Variants in SNX29 observed in about 807,000 individuals in gnomAD.
SNX29 encodes sorting nexin-29.
In SNX29, 78 loss-of-function variants were observed where a neutral mutation model predicts 102.1. The ratio of observed to expected loss-of-function variants is 0.76; its 90% CI spans 0.64 to 0.92. The LOEUF is 0.92. Ranked by LOEUF, SNX29 falls within the 40% of genes least tolerant of loss-of-function variation. SNX29 has a pLI of 0.00. For synonymous variants in SNX29, 580 were observed against 414.5 expected, an observed-to-expected ratio of 1.40 and a Z score of -4.85; for missense variants, 1,280 against 1,061.7, an observed-to-expected ratio of 1.21 and a Z score of -2.86.
rs186453192 is a variant in SNX29, at chr16:12,572,463, C to T, written c.*3834C>T. ...CTTGGTTCTGCATGGTACATTTTGCCAACCCTGAGGACCAGTTCTTGGGGT... is the reference window on the plus strand; with the variant it reads ...CTTGGTTCTGCATGGTACATTTTGCTAACCCTGAGGACCAGTTCTTGGGGT... On this transcript the variant is annotated 3_prime_UTR_variant, in exon 21 of 21. Coordinates refer to ENST00000566228, the MANE Select transcript of SNX29 (RefSeq NM_032167.5). 143 of 1,063,662 alleles carry T rather than the reference C, an allele frequency of 1.3e-4. 1 individual carries two copies. In the African/African-American group the frequency reaches 2.1e-3, roughly 16 times the overall value. 65.9% of individuals were successfully genotyped at this position (1,063,662 alleles called of 1,614,324 possible). A position where few individuals can be genotyped will look rare whatever the true frequency, so the allele number is the denominator to read the frequency against.
At chr16:12,547,045 G>A (rs1290746722) in intron 20 of SNX29, among the ~76,000 whole-genome samples, 1 of 152,198 alleles carries the variant, frequency 6.6e-6, no homozygotes, top group Non-Finnish European at 1.5e-5. Context: ...TGTTTTCATG[G>A]GGGACACAGA....
At chr16:12,013,541 A>ATATATATATC (rs1325376334) in intron 3 of SNX29, among the ~76,000 whole-genome samples, 2 of 119,238 alleles carry the variant, frequency 1.7e-5, no homozygotes, top group African/African-American at 3.1e-5. Flanking sequence ...ATATATATAT[A>ATATATATATC]TCGAGAGAGG....
intron 20 of SNX29, chr16:12,546,293 A>C (rs941471124): frequency 7.9e-5 from 12 of 152,250 alleles, no homozygotes; most frequent in African/African-American, 2.9e-4. Flanking sequence ...AGTGCTGATA[A>C]AGACATACCT....
At chr16:12,106,137 C>G (rs1567210926) in intron 11 of SNX29, among the ~76,000 whole-genome samples, 1 of 152,206 alleles carries the variant, frequency 6.6e-6, no homozygotes, top group African/African-American at 2.4e-5. Flanking sequence ...ACTCTAGAAA[C>G]TTGGCTTCTG....
chr16:12,387,631 C>T (rs1472555222), intron 16 of SNX29, among the ~76,000 whole-genome samples: 1 of 152,144 alleles, frequency 6.6e-6, no homozygotes. Flanking sequence ...TCGCAGGCGT[C>T]GTGGTGGGTG....
chr16:12,072,828 T>G (rs1463304785), intron 10 of SNX29, among the ~76,000 whole-genome samples: 2 of 152,170 alleles, frequency 1.3e-5, no homozygotes, highest in African/African-American at 4.8e-5. Context: ...AGCTATTGAT[T>G]ATTGCCACAA....
At chr16:12,348,257 G>A (rs961620521) in intron 15 of SNX29, among the ~76,000 whole-genome samples, 1 of 152,170 alleles carries the variant, frequency 6.6e-6, no homozygotes, top group Non-Finnish European at 1.5e-5. Flanking sequence ...TTCATGCTGG[G>A]ATTTTCGTTT....
intron 1 of SNX29, among the ~76,000 whole-genome samples, chr16:11,977,269 T>G (rs377216643): frequency 1.6e-4 from 24 of 152,196 alleles, no homozygotes; most frequent in African/African-American, 5.8e-4. Context: ...GCATAGTCTT[T>G]CTGGACAGTT....
At chr16:12,536,653 T>G (rs933313320) in intron 20 of SNX29, among the ~76,000 whole-genome samples, 3 of 152,156 alleles carry the variant, frequency 2.0e-5, no homozygotes, top group African/African-American at 4.8e-5. Context: ...ATTTCTGGGT[T>G]CCTTAGATCC....
intron 13 of SNX29, among the ~76,000 whole-genome samples, chr16:12,190,455 G>C (rs372174772): frequency 2.4e-4 from 36 of 152,312 alleles, no homozygotes; most frequent in African/African-American, 7.9e-4. Flanking sequence ...AATACGCTGG[G>C]GGCAGAGGAG....
At chr16:12,547,810 C>G (rs571585916) in intron 20 of SNX29, among the ~76,000 whole-genome samples, 1 of 152,204 alleles carries the variant, frequency 6.6e-6, no homozygotes, top group African/African-American at 2.4e-5. Flanking sequence ...CAAGAATGCT[C>G]TGCAGGGACA....
At chr16:12,385,967 G>C (rs1238360626) in intron 16 of SNX29, among the ~76,000 whole-genome samples, 2 of 152,226 alleles carry the variant, frequency 1.3e-5, no homozygotes, top group African/African-American at 4.8e-5. Context: ...CCTGGGAGCA[G>C]AAGACGATGT....
chr16:12,572,343 GGTT>G lies in SNX29; in HGVS notation c.*3716_*3718del. The G allele has an allele frequency of 9.4e-7, 1 of 1,063,426 alleles. No homozygotes were observed. Among genetic ancestry groups the G allele is most frequent in the Non-Finnish European group, 1.1e-6 (1 of 878,072 alleles). The allele number at this position is 1,063,426 out of a possible 1,614,324, so 65.9% of individuals were successfully genotyped here. Reference sequence around the variant, plus strand: ...AGGAGTGAAGCCCACCAGCCTGCCTGGTTGATGGACAGCAGGCTCTGCCTTCTG... The same window carrying G: ...AGGAGTGAAGCCCACCAGCCTGCCTGGATGGACAGCAGGCTCTGCCTTCTG... On this transcript the variant is annotated 3_prime_UTR_variant, in exon 21 of 21. Transcript: ENST00000566228.
chr16:12,251,902 G>A (rs1180218029), intron 14 of SNX29, among the ~76,000 whole-genome samples: 1 of 152,020 alleles, frequency 6.6e-6, no homozygotes, highest in East Asian at 1.9e-4. Flanking sequence ...TAGAACTATA[G>A]GTGTGTGCCA....
At chr16:12,174,746 T>C (rs966291011) in intron 13 of SNX29, among the ~76,000 whole-genome samples, 6 of 152,190 alleles carry the variant, frequency 3.9e-5, no homozygotes, top group African/African-American at 1.2e-4. Context: ...ATAAAAAGAT[T>C]AGGAGGTTAT....
chr16:12,360,082 C>A (rs1385175588), intron 16 of SNX29, among the ~76,000 whole-genome samples: 3 of 152,222 alleles, frequency 2.0e-5, no homozygotes, highest in Non-Finnish European at 4.4e-5. Flanking sequence ...CCTCGGCCTC[C>A]CAGAGTGCTG....
At chr16:12,328,570 T>C (rs770750070) in intron 15 of SNX29, among the ~76,000 whole-genome samples, 1 of 152,016 alleles carries the variant, frequency 6.6e-6, no homozygotes, top group Non-Finnish European at 1.5e-5. Context: ...CCCAGATTCC[T>C]CGTTCTCTGT....
At chr16:12,026,539 C>A (rs976278806) in intron 3 of SNX29, among the ~76,000 whole-genome samples, 10 of 152,198 alleles carry the variant, frequency 6.6e-5, no homozygotes, top group African/African-American at 2.4e-4. Flanking sequence ...GAGAAGATTG[C>A]TAAGATCAAG....
chr16:12,188,084 G>A (rs1319900932), intron 13 of SNX29, among the ~76,000 whole-genome samples: 1 of 152,182 alleles, frequency 6.6e-6, no homozygotes, highest in Non-Finnish European at 1.5e-5. Context: ...CTCCCTAGGA[G>A]AAAATAGTCC....
Sources: allele counts gnomAD v4.1 joint callset (sites outside exome capture counted in the v4.1 genomes callset), GRCh38; gene constraint gnomAD v4.1.1; transcripts MANE v1.5; gene names NCBI Gene and HGNC (gene_info 2026-07-23, HGNC 2026-07-21).